The following BSPH1 variants were observed in gnomAD, a reference collection of about 807,000 sequenced individuals.
BSPH1 encodes the protein binder of sperm protein homolog 1.
Under a neutral mutation model 22.5 loss-of-function variants are expected in BSPH1, and 21 were observed. The ratio of observed to expected loss-of-function variants is 0.93; its 90% CI spans 0.66 to 1.35. The LOEUF (loss-of-function observed/expected upper bound fraction) is 1.35, where lower values mean the gene tolerates loss of function less well. Among genes scored for constraint, BSPH1 ranks in the 40% most tolerant of loss-of-function variants. The probability of loss-of-function intolerance (pLI) is 0.00; values close to 1 mark genes in which losing one functional copy is unlikely to be tolerated. For synonymous variants in BSPH1, 42 were observed against 53.6 expected (o/e 0.78, Z 0.95); for missense variants, 141 against 154.2 (o/e 0.91, Z 0.45).
At chr19:47,974,426 C>T (rs1238391454) in intron 5 of BSPH1, among the ~76,000 whole-genome samples, 4 of 151,822 alleles carry the variant, frequency 2.6e-5, no homozygotes, top group African/African-American at 7.3e-5. Context: ...CCGGCCACCA[C>T]GCCTGGCTAA....
intron 4 of BSPH1, 89 bp from the exon 5 acceptor site, chr19:47,976,943 A>C: frequency 1.6e-6 from 2 of 1,239,144 alleles, no homozygotes; most frequent in Non-Finnish European, 2.3e-6. Context: ...ATGCACACAT[A>C]TGCACACATG....
At chr19:47,989,152 A>T (rs1969500032) in intron 1 of BSPH1, among the ~76,000 whole-genome samples, 1 of 140,920 alleles carries the variant, frequency 7.1e-6, no homozygotes, top group African/African-American at 2.8e-5. Flanking sequence ...TATTATTATT[A>T]TTATTATTTT....
At chr19:47,983,288 C>A (rs1969436261) in intron 1 of BSPH1, among the ~76,000 whole-genome samples, 1 of 152,190 alleles carries the variant, frequency 6.6e-6, no homozygotes, top group African/African-American at 2.4e-5. Context: ...GATCAATGGA[C>A]TCATCAGGAG....
intron 5 of BSPH1, among the ~76,000 whole-genome samples, chr19:47,969,295 T>C (rs745757843): frequency 2.0e-5 from 3 of 152,142 alleles, no homozygotes; most frequent in African/African-American, 7.2e-5. Context: ...GGGAAGATTA[T>C]CAGAGTTCCT....
At chr19:47,988,487 G>A (rs1431110853) in intron 1 of BSPH1, among the ~76,000 whole-genome samples, 1 of 152,146 alleles carries the variant, frequency 6.6e-6, no homozygotes, top group Admixed American at 6.5e-5. Context: ...GGTCTCCTGA[G>A]CTTGCCAGGA....
intron 3 of BSPH1, chr19:47,977,805 T>C (rs1969379579): frequency 2.7e-6 from 1 of 366,648 alleles, no homozygotes; most frequent in Non-Finnish European, 3.8e-6. Flanking sequence ...TGGGCATTTA[T>C]CTACCCAACA....
At chr19:47,974,985 T>TA (rs1038730540) in intron 5 of BSPH1, among the ~76,000 whole-genome samples, 7 of 151,866 alleles carry the variant, frequency 4.6e-5, no homozygotes, top group Admixed American at 6.6e-5. Flanking sequence ...AAAATACAAT[T>TA]AAAAAAAACT....
intron 1 of BSPH1, among the ~76,000 whole-genome samples, chr19:47,990,407 G>A (rs1254174387): frequency 6.6e-6 from 1 of 151,928 alleles, no homozygotes; most frequent in Non-Finnish European, 1.5e-5. Context: ...GAAGCTTTAG[G>A]ATCGTCTTAA....
chr19:47,990,694 C>T (rs1969515196), intron 1 of BSPH1, among the ~76,000 whole-genome samples: 1 of 151,988 alleles, frequency 6.6e-6, no homozygotes, highest in Admixed American at 6.6e-5. Context: ...CTTGGTCATT[C>T]CATAAAAAAT....
At chr19:47,990,356 T>G (rs1224338269) in intron 1 of BSPH1, among the ~76,000 whole-genome samples, 1 of 152,068 alleles carries the variant, frequency 6.6e-6, no homozygotes, top group African/African-American at 2.4e-5. Context: ...TGTGGAAAAA[T>G]ATGACATCCA....
chr19:47,969,831 A>T (rs909863995), intron 5 of BSPH1, among the ~76,000 whole-genome samples: 1 of 150,518 alleles, frequency 6.6e-6, no homozygotes, highest in Non-Finnish European at 1.5e-5. Flanking sequence ...TGAGAGAGAG[A>T]CTTTAGAATT....
chr19:47,985,558 G>A (rs1050881386), intron 1 of BSPH1, among the ~76,000 whole-genome samples: 32 of 152,170 alleles, frequency 2.1e-4, no homozygotes, highest in Non-Finnish European at 3.8e-4. Context: ...AAGTAGGCCC[G>A]GCATGGTGGC....
At chr19:47,990,111 T>A (rs1431711350) in intron 1 of BSPH1, among the ~76,000 whole-genome samples, 1 of 96,774 alleles carries the variant, frequency 1.0e-5, no homozygotes, top group East Asian at 3.0e-4. Flanking sequence ...AGAGCAAGAC[T>A]CCATCTCAAA....
At chr19:47,970,565 C>T (rs904238560) in intron 5 of BSPH1, among the ~76,000 whole-genome samples, 2 of 152,050 alleles carry the variant, frequency 1.3e-5, no homozygotes, top group African/African-American at 2.4e-5. Flanking sequence ...TGCTGTGTCC[C>T]GATGAGATTT....
At chr19:47,975,461 AG>A (rs1183488180) in intron 5 of BSPH1, among the ~76,000 whole-genome samples, 1 of 152,138 alleles carries the variant, frequency 6.6e-6, no homozygotes, top group East Asian at 1.9e-4. Flanking sequence ...ACCATGGACC[AG>A]CCCCAGTGGC....
At chr19:47,972,045 G>T (rs1029385040) in intron 5 of BSPH1, among the ~76,000 whole-genome samples, 11 of 152,100 alleles carry the variant, frequency 7.2e-5, no homozygotes, top group Non-Finnish European at 1.3e-4. Flanking sequence ...CATCTGCTTC[G>T]CTGGTTGTAA....
chr19:47,974,484 G>A (rs930433446), intron 5 of BSPH1, among the ~76,000 whole-genome samples: 1 of 151,758 alleles, frequency 6.6e-6, no homozygotes, highest in South Asian at 2.1e-4. Context: ...TGGCTGGCCT[G>A]GTCTCAAACT....
intron 1 of BSPH1, among the ~76,000 whole-genome samples, chr19:47,983,872 T>C (rs1029455686): frequency 6.6e-6 from 1 of 151,610 alleles, no homozygotes. Context: ...AGTCTCACTC[T>C]GTCACCCAGG....
chr19:47,989,674 G>T (rs903062755), intron 1 of BSPH1, among the ~76,000 whole-genome samples: 7 of 152,048 alleles, frequency 4.6e-5, no homozygotes, highest in East Asian at 3.9e-4. Flanking sequence ...AGCCCTAGAT[G>T]TCTATGAGTT....
Sources: allele counts gnomAD v4.1 joint callset (sites outside exome capture counted in the v4.1 genomes callset), GRCh38; gene constraint gnomAD v4.1.1; transcripts MANE v1.5; gene names NCBI Gene and HGNC (gene_info 2026-07-23, HGNC 2026-07-21).